Variants in AHI1 observed in about 807,000 individuals in gnomAD.
AHI1 encodes jouberin.
A neutral mutation model predicts 149.3 loss-of-function variants in AHI1; 123 were observed. That is an observed-to-expected ratio of 0.82 (90% confidence interval 0.71 to 0.96). AHI1 has a LOEUF of 0.96. Among genes scored for constraint, AHI1 ranks in the 40% least tolerant of loss-of-function variants. The pLI is 0.00. For missense variants in AHI1, 1,439 were observed against 1,422.7 expected (o/e 1.01, Z -0.18); for synonymous variants, 475 against 459.8 (o/e 1.03, Z -0.42).
At chr6:135,328,983 C>G (rs1402148642) in intron 24 of AHI1, among the ~76,000 whole-genome samples, 1 of 152,158 alleles carries the variant, frequency 6.6e-6, no homozygotes, top group Non-Finnish European at 1.5e-5. Context: ...AGAGCAAAGC[C>G]TTAACTCTCT....
intron 24 of AHI1, among the ~76,000 whole-genome samples, chr6:135,338,745 C>T (rs983907056): frequency 5.9e-5 from 9 of 152,208 alleles, no homozygotes; most frequent in South Asian, 4.1e-4. Flanking sequence ...TTGCCAACTC[C>T]GTGGTATCCT....
At chr6:135,463,062 A>G in intron 8 of AHI1, 63 bp downstream of exon 8, 1 of 1,385,292 alleles carries the variant, frequency 7.2e-7, no homozygotes, top group African/African-American at 1.4e-5. Context: ...AAGGGCTAAA[A>G]TTCCTAGAAT....
intron 21 of AHI1, among the ~76,000 whole-genome samples, chr6:135,410,413 T>C (rs1781420064): frequency 2.0e-5 from 3 of 152,190 alleles, no homozygotes; most frequent in East Asian, 3.8e-4. Context: ...CCTCATTTTA[T>C]AGATGAGGAA....
At chr6:135,377,350 A>G (rs767976822) in intron 23 of AHI1, among the ~76,000 whole-genome samples, 2 of 152,224 alleles carry the variant, frequency 1.3e-5, no homozygotes, top group Non-Finnish European at 2.9e-5. Flanking sequence ...AGGCAAACTG[A>G]ATCTTCAACA....
At chr6:135,475,218 C>A (rs1181913130) in intron 5 of AHI1, among the ~76,000 whole-genome samples, 2 of 152,174 alleles carry the variant, frequency 1.3e-5, no homozygotes, top group Non-Finnish European at 2.9e-5. Flanking sequence ...CTCTTATTAT[C>A]CTTTTAAGGT....
At chr6:135,418,175 T>C (rs116000049) in intron 20 of AHI1, among the ~76,000 whole-genome samples, 2,191 of 152,184 alleles carry the variant, frequency 0.014, 48 homozygotes, top group African/African-American at 0.05. Flanking sequence ...AGCTGTCATG[T>C]ACCATGCACT....
chr6:135,363,264 TG>T (rs1392701633), intron 23 of AHI1, among the ~76,000 whole-genome samples: 1 of 150,558 alleles, frequency 6.6e-6, no homozygotes, highest in Non-Finnish European at 1.5e-5. Context: ...AGGAGCATGC[TG>T]CCTTCAAGCA....
chr6:135,386,195 T>TC (rs2128473758), intron 23 of AHI1, among the ~76,000 whole-genome samples: 1 of 152,056 alleles, frequency 6.6e-6, no homozygotes, highest in African/African-American at 2.4e-5. Flanking sequence ...TGAAGTTCAT[T>TC]CCTCCACGTA....
chr6:135,493,026 T>G, intron 3 of AHI1: 3 of 936,406 alleles, frequency 3.2e-6, no homozygotes, highest in Non-Finnish European at 3.8e-6. Flanking sequence ...TGTTTGTTTT[T>G]GAGATGGAGT....
rs541285069 is a variant in AHI1 at position 135,463,522 on chromosome 6, G to A, written c.750-216C>T. ...TTTTATACTTCGTGAGGAGTTACAC[G>A]ATTCAACTAAAACTGAGCTCTAAAC... On this transcript the variant is annotated intron_variant, in intron 7 of 28. Coordinates refer to ENST00000265602, the MANE Select transcript of AHI1 (RefSeq NM_001134831.2). 5.3e-4 allele frequency among the ~76,000 whole-genome samples: 80 copies of A among 151,924 alleles called. No homozygotes were observed. In the South Asian group the frequency reaches 5.4e-3, roughly 10 times the overall value.
At chr6:135,347,894 C>A (rs966412757) in intron 24 of AHI1, among the ~76,000 whole-genome samples, 1 of 152,132 alleles carries the variant, frequency 6.6e-6, no homozygotes, top group Non-Finnish European at 1.5e-5. Flanking sequence ...TAAGATAGTG[C>A]CAGCCAGAGA....
chr6:135,294,698 CAAAAA>C (rs56734547), intron 27 of AHI1, among the ~76,000 whole-genome samples: 3 of 68,020 alleles, frequency 4.4e-5, no homozygotes, highest in Non-Finnish European at 9.0e-5. Context: ...TCTCCAAATG[CAAAAA>C]AAAAAAAAAA....
intron 13 of AHI1, among the ~76,000 whole-genome samples, chr6:135,446,334 C>T (rs1787211015): frequency 6.6e-6 from 1 of 152,104 alleles, no homozygotes; most frequent in Non-Finnish European, 1.5e-5. Context: ...CGTGCATGCA[C>T]AAAGATCATG....
Position 135,352,701 on chromosome 6 carries a change from G to GTGTATA in AHI1, c.3165+5430_3165+5431insTATACA, listed in dbSNP as rs1554289060. Among the ~76,000 whole-genome samples, 10 of 129,488 alleles carry GTGTATA rather than the reference G, an allele frequency of 7.7e-5. No individual in the cohort carries two copies. In the East Asian group the frequency reaches 1.0e-3, roughly 13 times the overall value. 84.9% of individuals were successfully genotyped at this position (129,488 alleles called of 152,430 possible). A position where few individuals can be genotyped will look rare whatever the true frequency, so the allele number is the denominator to read the frequency against. ...AACTACTCAAAGACACATTGTGTGT[G>GTGTATA]TATATATATATACACACACACACAC... On this transcript the variant is annotated intron_variant, in intron 24 of 28. Transcript: ENST00000265602.
intron 21 of AHI1, among the ~76,000 whole-genome samples, chr6:135,407,863 C>T (rs1050603829): frequency 2.7e-5 from 4 of 148,688 alleles, no homozygotes; most frequent in Non-Finnish European, 5.9e-5. Flanking sequence ...ATACAAAAAG[C>T]CTACTAAAAA....
chr6:135,322,710 T>C (rs1385569075), intron 25 of AHI1, among the ~76,000 whole-genome samples: 2 of 152,218 alleles, frequency 1.3e-5, no homozygotes, highest in African/African-American at 4.8e-5. Context: ...TAAATTTACT[T>C]GAGAATGAAA....
In AHI1 at chr6:135,466,255, T is replaced by G. The variant is rs1381810348; in HGVS notation, c.308A>C (p.Asn103Thr). The change falls in exon 7 of 29, where the codon AAC (asparagine) becomes ACC (threonine). Residue 103 changes from asparagine (N) to threonine (T), a missense_variant. By Grantham distance (65) the Asn-to-Thr change is moderately conservative (BLOSUM62 0). Coordinates refer to ENST00000265602, the MANE Select transcript of AHI1 (RefSeq NM_001134831.2). The part of the protein sequence containing the change: ...STRVTKNKLR[N>T]TQLATENPNG... ...AGGATTTTCAGTTGCTAACTGTGTGTTCCTCAATTTGTTTTTAGTGACTCT... is the reference window on the plus strand; with the variant it reads ...AGGATTTTCAGTTGCTAACTGTGTGGTCCTCAATTTGTTTTTAGTGACTCT... 1.2e-6 allele frequency: 2 copies of G among 1,614,004 alleles called. No individual in the cohort carries two copies. Among genetic ancestry groups the G allele is most frequent in the Middle Eastern group, 1.6e-4 (1 of 6,062 alleles).
chr6:135,329,074 GAAGA>G (rs1788143801), intron 24 of AHI1, among the ~76,000 whole-genome samples: 1 of 152,210 alleles, frequency 6.6e-6, no homozygotes, highest in Non-Finnish European at 1.5e-5. Context: ...CATGAAGTGT[GAAGA>G]AAGAAGCCAT....
At chr6:135,464,516 C>T (rs1489087620) in intron 7 of AHI1, among the ~76,000 whole-genome samples, 1 of 152,166 alleles carries the variant, frequency 6.6e-6, no homozygotes, top group East Asian at 1.9e-4. Flanking sequence ...GTGGGCTGGA[C>T]TAGTGACTTA....
Sources: allele counts gnomAD v4.1 joint callset (sites outside exome capture counted in the v4.1 genomes callset), GRCh38; gene constraint gnomAD v4.1.1; transcripts MANE v1.5; gene names NCBI Gene and HGNC (gene_info 2026-07-23, HGNC 2026-07-21).